TRIM5: variants seen among roughly 807,000 people sequenced by gnomAD.
The protein encoded by TRIM5 is tripartite motif-containing protein 5.
In TRIM5, 31 loss-of-function variants were observed where a neutral mutation model predicts 35.6. The observed-to-expected ratio is 0.87, with a 90% CI of 0.65 to 1.18. TRIM5 has a LOEUF of 1.18. TRIM5 is among the 50% of genes most tolerant of loss of function. The pLI, the probability that TRIM5 is intolerant of heterozygous loss-of-function variation, is 0.00. For missense variants in TRIM5, 609 were observed against 591.6 expected, an observed-to-expected ratio of 1.03 and a Z score of -0.31; for synonymous variants, 243 against 215.6, an observed-to-expected ratio of 1.13 and a Z score of -1.11.
the TRIM5 span, among the ~76,000 whole-genome samples, chr11:5,626,060 C>G: frequency 6.6e-6 from 1 of 152,218 alleles, no homozygotes; most frequent in Non-Finnish European, 1.5e-5. Context: ...GGCCTCTGCT[C>G]TCACCCTTCA....
chr11:5,642,863 T>C, the TRIM5 span: 3 of 1,613,820 alleles, frequency 1.9e-6, no homozygotes, highest in East Asian at 6.7e-5. Flanking sequence ...AGTTAGTCTT[T>C]AAATAACTGT....
chr11:5,677,381 A>T (rs1365961716), intron 4 of TRIM5, among the ~76,000 whole-genome samples: 4 of 152,248 alleles, frequency 2.6e-5, no homozygotes, highest in Non-Finnish European at 5.9e-5. Context: ...CATCAGAGAA[A>T]TGCAAATCAA....
the TRIM5 span, among the ~76,000 whole-genome samples, chr11:5,604,304 G>T: frequency 6.6e-6 from 1 of 152,174 alleles, no homozygotes; most frequent in African/African-American, 2.4e-5. Flanking sequence ...GTGAGCCACA[G>T]GTGCTTTGTG....
chr11:5,641,394 T>C, the TRIM5 span: 1 of 1,317,344 alleles, frequency 7.6e-7, no homozygotes, highest in African/African-American at 1.5e-5. Flanking sequence ...GTAAATTCAG[T>C]GGTTGAAGTT....
At chr11:5,602,937 G>C in the TRIM5 span, among the ~76,000 whole-genome samples, 1 of 152,150 alleles carries the variant, frequency 6.6e-6, no homozygotes, top group African/African-American at 2.4e-5. Context: ...CTGGGTGACA[G>C]AGTGAGTCTC....
At chr11:5,591,288 C>T in the TRIM5 span, among the ~76,000 whole-genome samples, 2 of 152,200 alleles carry the variant, frequency 1.3e-5, no homozygotes, top group Non-Finnish European at 2.9e-5. Context: ...TCTTGACATA[C>T]AAGCCAATAC....
chr11:5,633,573 G>C, the TRIM5 span, among the ~76,000 whole-genome samples: 777 of 152,272 alleles, frequency 5.1e-3, 7 homozygotes, highest in African/African-American at 0.017. Flanking sequence ...TTACTCTAAG[G>C]AAAGACAGAA....
chr11:5,607,066 T>C, the TRIM5 span, among the ~76,000 whole-genome samples: 132,948 of 148,730 alleles, frequency 0.89, 59,400 homozygotes, highest in East Asian at 0.96. Flanking sequence ...TAGCCGGGCG[T>C]GGTGGCGGGC....
intron 4 of TRIM5, among the ~76,000 whole-genome samples, chr11:5,670,991 C>A (rs1470896509): frequency 6.6e-6 from 1 of 152,142 alleles, no homozygotes; most frequent in East Asian, 1.9e-4. Flanking sequence ...TTCCTGTAAT[C>A]CCAGGACTTT....
intron 4 of TRIM5, among the ~76,000 whole-genome samples, chr11:5,676,946 A>G (rs1202427955): frequency 1.3e-5 from 2 of 151,574 alleles, no homozygotes; most frequent in African/African-American, 4.8e-5. Context: ...TTATACAAAA[A>G]TCAATTCAAG....
the TRIM5 span, among the ~76,000 whole-genome samples, chr11:5,624,360 G>T: frequency 6.5e-3 from 992 of 152,250 alleles, 8 homozygotes; most frequent in African/African-American, 0.023. Context: ...ACTCCCAAAA[G>T]TTCCCCAGGT....
In TRIM5 at chr11:5,681,439, A is replaced by G. The variant is rs57723437; in HGVS notation, c.-61-1201T>C. Among the ~76,000 whole-genome samples, 546 of 152,342 alleles carry G rather than the reference A, an allele frequency of 3.6e-3. 11 individuals carry two copies. The highest frequency in any genetic ancestry group is 0.013 in the African/African-American group (529 of 41,584). The stretch of plus-strand genomic sequence containing the variant: ...TGTGCATTATTCATCTAAAAACATA[A>G]GTGATTAACTTCTTCAAATCTATAA... On this transcript the variant is annotated intron_variant, in intron 1 of 7. Transcript: ENST00000380034.
the TRIM5 span, among the ~76,000 whole-genome samples, chr11:5,648,757 T>C: frequency 6.6e-6 from 1 of 152,326 alleles, no homozygotes; most frequent in Admixed American, 6.5e-5. Flanking sequence ...GGGACGTGTT[T>C]ATAAGGAAAA....
At chr11:5,618,275 CA>C in the TRIM5 span, among the ~76,000 whole-genome samples, 498 of 152,172 alleles carry the variant, frequency 3.3e-3, 6 homozygotes, top group Non-Finnish European at 2.2e-3. Context: ...GAGGCTGAGG[CA>C]GGGGAATCGC....
chr11:5,672,622 A>C (rs1590247575), intron 4 of TRIM5, among the ~76,000 whole-genome samples: 1 of 152,362 alleles, frequency 6.6e-6, no homozygotes, highest in South Asian at 2.1e-4. Flanking sequence ...AAATGGAAAT[A>C]CTATAAAATG....
chr11:5,603,609 C>A, the TRIM5 span: 2 of 1,613,426 alleles, frequency 1.2e-6, no homozygotes, highest in Non-Finnish European at 1.7e-6. Flanking sequence ...TTTGTGCAGA[C>A]CATGGAGAAA....
At chr11:5,666,546 T>C (rs1468036186) in intron 5 of TRIM5, among the ~76,000 whole-genome samples, 1 of 152,164 alleles carries the variant, frequency 6.6e-6, no homozygotes, top group South Asian at 2.1e-4. Context: ...GTTTGACACA[T>C]ATCAAGAGAG....
At chr11:5,607,047 C>A in the TRIM5 span, among the ~76,000 whole-genome samples, 1 of 151,898 alleles carries the variant, frequency 6.6e-6, no homozygotes, top group South Asian at 2.1e-4. Context: ...ACTAAAAACA[C>A]AAAAAAATTA....
chr11:5,682,417 G>C (rs562434971), intron 1 of TRIM5, among the ~76,000 whole-genome samples: 2 of 152,280 alleles, frequency 1.3e-5, no homozygotes, highest in African/African-American at 4.8e-5. Context: ...AAATCCAGTA[G>C]TTCCCTGAGT....
Sources: gnomAD v4.1 joint callset for allele counts (sites outside exome capture counted in the v4.1 genomes callset) on GRCh38, gnomAD v4.1.1 for gene constraint, MANE v1.5 for transcripts, NCBI Gene and HGNC (gene_info 2026-07-23, HGNC 2026-07-21) for gene names.